TANC2: variants seen among roughly 807,000 people sequenced by gnomAD.
The protein encoded by TANC2 is tetratricopeptide repeat, ankyrin repeat and coiled-coil containing 2.
A neutral mutation model predicts 210.5 loss-of-function variants in TANC2; 26 were observed. The observed-to-expected ratio is 0.12, with a 90% CI of 0.09 to 0.17. The LOEUF is 0.17. TANC2 is among the 10% of genes least tolerant of loss of function. The pLI is 1.00. For missense variants in TANC2, 2,129 were observed against 2,608.9 expected (o/e 0.82, Z 4.01); for synonymous variants, 931 against 967.1 (o/e 0.96, Z 0.69).
chr17:63,403,974 T>C (rs2048421187), intron 19 of TANC2, among the ~76,000 whole-genome samples: 5 of 152,276 alleles, frequency 3.3e-5, no homozygotes, highest in African/African-American at 1.2e-4. Flanking sequence ...TTTTACTTGC[T>C]TCTCTGAATA....
At chr17:63,008,956 C>T (rs2033745728) in intron 1 of TANC2, among the ~76,000 whole-genome samples, 1 of 152,084 alleles carries the variant, frequency 6.6e-6, no homozygotes, top group East Asian at 1.9e-4. Context: ...ATTATGTTTT[C>T]TATTGCTCTG....
intron 19 of TANC2, among the ~76,000 whole-genome samples, chr17:63,400,849 C>T (rs373978935): frequency 6.6e-6 from 1 of 150,616 alleles, no homozygotes; most frequent in East Asian, 1.9e-4. Context: ...GATGGGGTTT[C>T]ACCATGTTGG....
intron 9 of TANC2, among the ~76,000 whole-genome samples, chr17:63,296,101 T>G (rs1475072505): frequency 1.3e-5 from 2 of 152,130 alleles, no homozygotes; most frequent in African/African-American, 4.8e-5. Flanking sequence ...TGCTATCAAA[T>G]GGCATCACAG....
intron 19 of TANC2, among the ~76,000 whole-genome samples, chr17:63,404,812 C>A (rs1240524796): frequency 6.6e-6 from 1 of 151,882 alleles, no homozygotes; most frequent in African/African-American, 2.4e-5. Context: ...GGAAGAGGTA[C>A]CAAAGGAGAG....
rs1462084930 is a variant in TANC2 at position 63,208,917 on chromosome 17, C to CATAATG, written c.769+7960_769+7961insATAATG. On this transcript the variant is annotated intron_variant, in intron 7 of 27. Coordinates refer to ENST00000689528, the Ensembl canonical transcript of TANC2. Reference sequence around the variant, plus strand: ...TTTTTGTGGTTTTCTACATATACAACCATATTGTTTGCAAATAATGACTTT... The same window carrying CATAATG: ...TTTTTGTGGTTTTCTACATATACAACATAATGCATATTGTTTGCAAATAATGACTTT... 3.0e-4 allele frequency among the ~76,000 whole-genome samples: 45 copies of CATAATG among 152,166 alleles called. No individual in the cohort carries two copies. In the East Asian group the frequency reaches 5.0e-3, roughly 17 times the overall value.
chr17:63,385,998 C>A (rs2047766259), intron 15 of TANC2, among the ~76,000 whole-genome samples: 1 of 152,194 alleles, frequency 6.6e-6, no homozygotes, highest in Non-Finnish European at 1.5e-5. Context: ...CACCATCCTT[C>A]CTCATTTTAT....
At chr17:63,415,250 A>G (rs2048821726) in intron 25 of TANC2, among the ~76,000 whole-genome samples, 5 of 152,216 alleles carry the variant, frequency 3.3e-5, no homozygotes, top group African/African-American at 1.2e-4. Context: ...TCCAGTTGGG[A>G]AGTCAGGGTC....
chr17:63,083,334 A>G (rs570877705), intron 3 of TANC2, among the ~76,000 whole-genome samples: 1 of 152,114 alleles, frequency 6.6e-6, no homozygotes, highest in South Asian at 2.1e-4. Flanking sequence ...TGGGACCACA[A>G]CTCCTGGGAT....
At chr17:63,290,360 T>G (rs1488128475) in intron 9 of TANC2, among the ~76,000 whole-genome samples, 1 of 152,224 alleles carries the variant, frequency 6.6e-6, no homozygotes, top group Non-Finnish European at 1.5e-5. Flanking sequence ...TTTTCCACTC[T>G]GGTAAGCTGT....
chr17:63,251,286 C>A (rs1025810149), intron 8 of TANC2, among the ~76,000 whole-genome samples: 1 of 152,130 alleles, frequency 6.6e-6, no homozygotes, highest in African/African-American at 2.4e-5. Context: ...AAGGAAAGTG[C>A]AGCCTAAGCA....
chr17:63,146,764 AG>A (rs1418480770), intron 4 of TANC2, among the ~76,000 whole-genome samples: 3 of 152,202 alleles, frequency 2.0e-5, no homozygotes, highest in Non-Finnish European at 4.4e-5. Flanking sequence ...CATTATCTAC[AG>A]CATTCCAGCA....
intron 1 of TANC2, among the ~76,000 whole-genome samples, chr17:62,971,772 A>G (rs2031708769): frequency 1.3e-5 from 2 of 152,344 alleles, no homozygotes; most frequent in South Asian, 4.1e-4. Context: ...CAGCAGCTTC[A>G]TTAGATTCTC....
chr17:63,272,612 G>C (rs1461507303), intron 9 of TANC2, among the ~76,000 whole-genome samples: 1 of 151,990 alleles, frequency 6.6e-6, no homozygotes, highest in Middle Eastern at 3.2e-3. Context: ...TTATTTGTTT[G>C]TGTCATCTCT....
In TANC2 at chr17:63,356,587, G is replaced by T. The variant is rs12103849; in HGVS notation, c.2582+1197G>T. ...CATCAGAAAATTAGTTCCAGATTAT[G>T]ATGAAGATATTAAGCCAGGCAATAG... is the stretch of plus-strand genomic sequence containing the variant. On this transcript the variant is annotated intron_variant, in intron 14 of 27. Transcript: ENST00000689528. Among the ~76,000 whole-genome samples the T allele has an allele frequency of 7.8e-3, 1,183 of 152,268 alleles. 15 individuals are homozygous for T. Among genetic ancestry groups the T allele is most frequent in the African/African-American group, 0.026 (1,099 of 41,548 alleles).
At chr17:63,028,070 T>G (rs1427190047) in intron 2 of TANC2, among the ~76,000 whole-genome samples, 2 of 152,092 alleles carry the variant, frequency 1.3e-5, no homozygotes, top group Non-Finnish European at 2.9e-5. Context: ...CCATCAGAAG[T>G]CCCGGTTCTT....
intron 3 of TANC2, among the ~76,000 whole-genome samples, chr17:63,076,460 G>C (rs1440995901): frequency 6.6e-6 from 1 of 152,010 alleles, no homozygotes; most frequent in Non-Finnish European, 1.5e-5. Flanking sequence ...AAAGAAGAAA[G>C]AGGAAATTTA....
chr17:63,263,342 C>T (rs2043425689), intron 8 of TANC2, among the ~76,000 whole-genome samples: 1 of 152,058 alleles, frequency 6.6e-6, no homozygotes, highest in Non-Finnish European at 1.5e-5. Context: ...CAAATAAAAG[C>T]AGAGATCTAG....
chr17:63,327,898 A>G (rs1423734688), intron 11 of TANC2, among the ~76,000 whole-genome samples: 3 of 152,256 alleles, frequency 2.0e-5, no homozygotes, highest in Non-Finnish European at 4.4e-5. Context: ...AGCATTAGGT[A>G]TAACTGCTAA....
chr17:63,046,552 G>A (rs988463805), intron 2 of TANC2, among the ~76,000 whole-genome samples: 4 of 151,424 alleles, frequency 2.6e-5, no homozygotes, highest in South Asian at 2.1e-4. Flanking sequence ...GGCTGGTCTC[G>A]AACTTCTGAC....
Sources: gnomAD v4.1 joint callset for allele counts (sites outside exome capture counted in the v4.1 genomes callset) on GRCh38, gnomAD v4.1.1 for gene constraint, MANE v1.5 for transcripts, NCBI Gene and HGNC (gene_info 2026-07-23, HGNC 2026-07-21) for gene names.